GALNT15: variants seen among roughly 807,000 people sequenced by gnomAD.
GALNT15 encodes UDP-GalNAc transferase T15.
In GALNT15, 67 loss-of-function variants were observed where a neutral mutation model predicts 66.8. The ratio of observed to expected loss-of-function variants is 1.00; its 90% confidence interval spans 0.82 to 1.23. The LOEUF (loss-of-function observed/expected upper bound fraction) is 1.23. Ranked by LOEUF, GALNT15 falls within the 50% of genes most tolerant of loss-of-function variation. The pLI is 0.00. For synonymous variants in GALNT15, 313 were observed against 311.5 expected (o/e 1.00, Z -0.05); for missense variants, 827 against 804.3 (o/e 1.03, Z -0.34).
the GALNT15 span, among the ~76,000 whole-genome samples, chr3:16,247,827 T>C: frequency 6.6e-6 from 1 of 152,216 alleles, no homozygotes; most frequent in African/African-American, 2.4e-5. Flanking sequence ...AGCACCTTTT[T>C]AGCACTGAGG....
Position 16,200,872 on chromosome 3 carries a change from C to T in GALNT15, c.911+49C>T, listed in dbSNP as rs1427367698. 2 of 1,437,050 alleles carry T rather than the reference C, an allele frequency of 1.4e-6. No individual in the cohort carries two copies. 89.0% of individuals were successfully genotyped at this position (1,437,050 alleles called of 1,614,324 possible). ...AAGCAAGACATGGAACTGGGAGAAA[C>T]AGTCTACAGCATCAGCCACTCACAG... On this transcript the variant is annotated intron_variant, in intron 3 of 9. Transcript: ENST00000339732. This position sits in a 1 kb window ranked among gnomAD's most constrained non-coding sequence, Gnocchi z 4.4.
chr3:16,240,651 A>AAT, the GALNT15 span, among the ~76,000 whole-genome samples: 10 of 152,186 alleles, frequency 6.6e-5, no homozygotes, highest in African/African-American at 2.4e-4. Context: ...TGAAGTAATA[A>AAT]TCCACCTATG....
intron 9 of GALNT15, among the ~76,000 whole-genome samples, chr3:16,226,983 G>A (rs2064027181): frequency 6.6e-6 from 1 of 152,180 alleles, no homozygotes; most frequent in African/African-American, 2.4e-5. Context: ...TTAACAGAAG[G>A]TAAAGTGGAT....
At chr3:16,194,199 C>A (rs1361582230) in intron 1 of GALNT15, among the ~76,000 whole-genome samples, 2 of 152,192 alleles carry the variant, frequency 1.3e-5, no homozygotes, top group Non-Finnish European at 2.9e-5. Context: ...TAGCCCAACC[C>A]ACGGATTAAT....
At chr3:16,218,810 CTTTTTTTTTTTTT>C (rs10538222) in intron 6 of GALNT15, among the ~76,000 whole-genome samples, 1 of 92,934 alleles carries the variant, frequency 1.1e-5, no homozygotes, top group East Asian at 3.2e-4. Flanking sequence ...CTCTCTCTCT[CTTTTTTTTTTTTT>C]TTTTTTTTTG....
intron 1 of GALNT15, among the ~76,000 whole-genome samples, chr3:16,192,590 G>A (rs987444477): frequency 6.6e-6 from 1 of 152,220 alleles, no homozygotes; most frequent in Non-Finnish European, 1.5e-5. Flanking sequence ...GAGAGGATAT[G>A]AGGAAATTTT....
At chr3:16,248,022 C>A in the GALNT15 span, among the ~76,000 whole-genome samples, 1 of 152,296 alleles carries the variant, frequency 6.6e-6, no homozygotes, top group East Asian at 1.9e-4. The surrounding 1 kb of genome is among the most constrained non-coding windows in gnomAD (Gnocchi z 4.9). Context: ...TAGCCGCAGT[C>A]CCACCTGCTC....
At chr3:16,234,153 A>C (rs1018813364), downstream of GALNT15, among the ~76,000 whole-genome samples, 18 of 152,326 alleles carry the variant, frequency 1.2e-4, no homozygotes, top group South Asian at 2.1e-4. Flanking sequence ...CAGTAAAGTT[A>C]AAGCATGCAT....
chr3:16,207,380 A>T (rs188343887), intron 3 of GALNT15, among the ~76,000 whole-genome samples: 222 of 152,160 alleles, frequency 1.5e-3, no homozygotes, highest in Middle Eastern at 3.4e-3. Context: ...AGAAAATGTG[A>T]TTGAGATATT....
Position 16,227,605 on chromosome 3 carries a change from C to G in GALNT15, c.*105C>G, listed in dbSNP as rs1399437447. ...TGAAGCTGATCCTTTTGTGTGTGTG[C>G]TCCTGGTGTTAGGAGAGAAAAAAGC... On this transcript the variant is annotated 3_prime_UTR_variant, in exon 10 of 10. Transcript: ENST00000339732. This position sits in a 1 kb window ranked among gnomAD's most constrained non-coding sequence, Gnocchi z 4.5. The G allele has an allele frequency of 2.5e-6, 4 of 1,592,446 alleles. No individual in the cohort carries two copies. Among genetic ancestry groups the G allele is most frequent in the Non-Finnish European group, 2.6e-6 (3 of 1,173,016 alleles).
chr3:16,190,172 C>T (rs2063558457), intron 1 of GALNT15, among the ~76,000 whole-genome samples: 1 of 152,178 alleles, frequency 6.6e-6, no homozygotes. Context: ...CCCATTTGCC[C>T]ATACCTGCAT....
Position 16,227,571 on chromosome 3 carries a change from T to C in GALNT15, c.*71T>C, listed in dbSNP as rs554812139. 1.5e-5 allele frequency: 24 copies of C among 1,612,456 alleles called. No homozygotes were observed. In the Middle Eastern group the frequency reaches 5.0e-4, roughly 33 times the overall value. ...GCTCCAAGTGAACTTAAAGAGCTTATATATTTCATGAAGCTGATCCTTTTG... is the reference window on the plus strand; with the variant it reads ...GCTCCAAGTGAACTTAAAGAGCTTACATATTTCATGAAGCTGATCCTTTTG... On this transcript the variant is annotated 3_prime_UTR_variant, in exon 10 of 10. Transcript: ENST00000339732. This position sits in a 1 kb window ranked among gnomAD's most constrained non-coding sequence, Gnocchi z 4.5.
chr3:16,225,383 A>G lies in GALNT15; in HGVS notation c.1774-1971A>G, dbSNP rs1297256181. 6.6e-6 allele frequency among the ~76,000 whole-genome samples: 1 copy of G among 152,204 alleles called. No individual in the cohort carries two copies. Among genetic ancestry groups the G allele is most frequent in the Non-Finnish European group, 1.5e-5 (1 of 68,034 alleles). On this transcript the variant is annotated intron_variant, in intron 9 of 9. Transcript: ENST00000339732. The surrounding 1 kb of genome is among the most constrained non-coding windows in gnomAD (Gnocchi z 4.4). ...TGCCTAAGATTGTAAAAGTTTTGCT[A>G]TGTGTTTTTATCACAATTTTTTTAA...
rs903435884 is a variant in GALNT15 at position 16,225,732 on chromosome 3, A to G, written c.1774-1622A>G. On this transcript the variant is annotated intron_variant, in intron 9 of 9. Transcript: ENST00000339732. This position sits in a 1 kb window ranked among gnomAD's most constrained non-coding sequence, Gnocchi z 4.4. ...AATAAAAGAAAAAGAAAAAAAGAAG[A>G]AAAAGATTTGTGGTACAACATGGAT... Among the ~76,000 whole-genome samples the G allele has an allele frequency of 2.0e-5, 3 of 151,708 alleles. No homozygotes were observed. The highest frequency in any genetic ancestry group is 1.3e-4 in the Admixed American group (2 of 15,214).
intron 2 of GALNT15, among the ~76,000 whole-genome samples, chr3:16,196,924 T>G (rs1166615449): frequency 1.3e-5 from 2 of 152,158 alleles, no homozygotes; most frequent in Non-Finnish European, 2.9e-5. Flanking sequence ...GTGCCTCTGT[T>G]AGTTCTTTCT....
Position 16,176,539 on chromosome 3 carries a change from C to T in GALNT15, c.539+849C>T, listed in dbSNP as rs1342812313. Among the ~76,000 whole-genome samples the T allele has an allele frequency of 5.9e-5, 9 of 152,224 alleles. No individual in the cohort carries two copies. The highest frequency in any genetic ancestry group is 1.2e-4 in the Non-Finnish European group (8 of 68,036). On this transcript the variant is annotated intron_variant, in intron 1 of 9. Coordinates refer to ENST00000339732, the MANE Select transcript of GALNT15 (RefSeq NM_054110.5). This position sits in a 1 kb window ranked among gnomAD's most constrained non-coding sequence, Gnocchi z 5.6. ...GGCAGCCCCAGCCCCAGGAGGTAAG[C>T]TGAGAAGTGTAGGTGATGGGCAGAG...
At position 16,188,881 on chromosome 3, in the gene GALNT15, G is replaced by A. The variant is rs2063546053; in HGVS notation, c.540-6879G>A. On this transcript the variant is annotated intron_variant, in intron 1 of 9. Transcript: ENST00000339732. The surrounding 1 kb of genome is among the most constrained non-coding windows in gnomAD (Gnocchi z 4.6). ...TCCTCACTTCCACCTCCCTCCTTGT[G>A]TCCTCTCTCTCCAAGGTCCTCATGA... Among the ~76,000 whole-genome samples the A allele has an allele frequency of 6.6e-6, 1 of 152,068 alleles. No individual in the cohort carries two copies. The highest frequency in any genetic ancestry group is 1.5e-5 in the Non-Finnish European group (1 of 67,994).
rs1265852717 is a variant in GALNT15 at position 16,193,582 on chromosome 3, C to T, written c.540-2178C>T. On this transcript the variant is annotated intron_variant, in intron 1 of 9. Coordinates refer to ENST00000339732, the MANE Select transcript of GALNT15 (RefSeq NM_054110.5). This position sits in a 1 kb window ranked among gnomAD's most constrained non-coding sequence, Gnocchi z 4.7. ...TCTCCCTCTCTACACAGGATTTTGC[C>T]CTGAGAGTCACACACAGGTTTCCTG... is the stretch of plus-strand genomic sequence containing the variant. Among the ~76,000 whole-genome samples, 3 of 152,080 alleles carry T rather than the reference C, an allele frequency of 2.0e-5. No individual in the cohort carries two copies. Among genetic ancestry groups the T allele is most frequent in the African/African-American group, 7.2e-5 (3 of 41,410 alleles).
At chr3:16,220,195 C>T in intron 8 of GALNT15, 181 bp downstream of exon 8, 1 of 608,328 alleles carries the variant, frequency 1.6e-6, no homozygotes, top group Non-Finnish European at 3.0e-6. Flanking sequence ...TCACCTCCAT[C>T]TGTAAGCACA....
Sources: allele counts gnomAD v4.1 joint callset (sites outside exome capture counted in the v4.1 genomes callset), GRCh38; gene constraint gnomAD v4.1.1; non-coding constraint Gnocchi (gnomAD v3.1); transcripts MANE v1.5; gene names NCBI Gene and HGNC (gene_info 2026-07-23, HGNC 2026-07-21).